Variants in SLC16A1 observed in about 807,000 individuals in gnomAD.
The protein encoded by SLC16A1 is solute carrier family 16 member 1, also known as monocarboxylate transporter 1.
In SLC16A1, 11 loss-of-function variants were observed where a neutral mutation model predicts 32.2. The ratio of observed to expected loss-of-function variants is 0.34; its 90% CI spans 0.21 to 0.56. SLC16A1 has a LOEUF of 0.56. SLC16A1 is among the 20% of genes least tolerant of loss of function. The probability of loss-of-function intolerance (pLI) is 0.87; values close to 1 mark genes in which losing one functional copy is unlikely to be tolerated. For synonymous variants in SLC16A1, 231 were observed against 226.8 expected, an observed-to-expected ratio of 1.02 and a Z score of -0.17; for missense variants, 435 against 615.0, an observed-to-expected ratio of 0.71 and a Z score of 3.10.
intron 2 of SLC16A1, among the ~76,000 whole-genome samples, chr1:112,926,026 T>C (rs1648927934): frequency 6.6e-6 from 1 of 152,210 alleles, no homozygotes; most frequent in African/African-American, 2.4e-5. Context: ...AACTACTTTA[T>C]AGGATTGTTG....
At chr1:112,922,674 C>G (rs1370714860) in intron 2 of SLC16A1, among the ~76,000 whole-genome samples, 1 of 152,072 alleles carries the variant, frequency 6.6e-6, no homozygotes, top group East Asian at 2.0e-4. Flanking sequence ...ACTCCGAAGG[C>G]TGAGGCAGGA....
chr1:112,940,039 ATTTT>A (rs55864843), intron 1 of SLC16A1, among the ~76,000 whole-genome samples: 2 of 108,616 alleles, frequency 1.8e-5, no homozygotes, highest in Non-Finnish European at 1.9e-5. Context: ...CTGATGGGTG[ATTTT>A]TTTTTTTTTT....
chr1:112,923,462 G>A, intron 2 of SLC16A1: 1 of 740,844 alleles, frequency 1.3e-6, no homozygotes, highest in Non-Finnish European at 2.5e-6. Context: ...CATGGAGATG[G>A]GGCGCCGTAG....
At chr1:112,936,250 G>A (rs1404236726) in intron 1 of SLC16A1, among the ~76,000 whole-genome samples, 1 of 151,994 alleles carries the variant, frequency 6.6e-6, no homozygotes, top group Non-Finnish European at 1.5e-5. Flanking sequence ...GCTCATGCCT[G>A]TAATCCAAAC....
rs189827120 is a variant in SLC16A1, at chr1:112,920,478, C to T, written c.361+1512G>A. ...AAAATTAGCTGGGTGTGGTAGCGGGCGCCTGTAATCCCGGCTACTTGGGAG... is the reference window on the plus strand; with the variant it reads ...AAAATTAGCTGGGTGTGGTAGCGGGTGCCTGTAATCCCGGCTACTTGGGAG... On this transcript the variant is annotated intron_variant, in intron 3 of 4. Transcript: ENST00000369626. 8.8e-3 allele frequency among the ~76,000 whole-genome samples: 1,340 copies of T among 152,146 alleles called. 10 individuals are homozygous for T. Among genetic ancestry groups the T allele is most frequent in the Non-Finnish European group, 0.011 (780 of 67,986 alleles).
In SLC16A1 at chr1:112,917,554, A is replaced by G; in HGVS notation, c.852T>C (p.Leu284=). The G allele has an allele frequency of 6.2e-7, 1 of 1,614,198 alleles. No homozygotes were observed. The highest frequency in any genetic ancestry group is 8.5e-7 in the Non-Finnish European group (1 of 1,180,034). The change falls in exon 4 of 5, where the codon CTT becomes CTC. Residue 284 remains leucine, a synonymous_variant. Transcript: ENST00000369626. This position sits in a 1 kb window ranked among gnomAD's most constrained non-coding sequence, Gnocchi z 4.1. ...AATGCTGACTCTTCCCATAACTACTAAGAAACACCAAAGGTGCAAAGAGTC... is the reference window on the plus strand; with the variant it reads ...AATGCTGACTCTTCCCATAACTACTGAGAAACACCAAAGGTGCAAAGAGTC... The part of the protein sequence containing the change: ...FFGLFAPLVF[L]SSYGKSQHYS...
At chr1:112,926,683 T>G (rs1648951462) in intron 2 of SLC16A1, among the ~76,000 whole-genome samples, 1 of 152,012 alleles carries the variant, frequency 6.6e-6, no homozygotes, top group Non-Finnish European at 1.5e-5. Context: ...AGACCAGCCT[T>G]GGCAACATTG....
Position 112,942,503 on chromosome 1 carries a change from G to A in SLC16A1, c.-44-13151C>T, listed in dbSNP as rs1451473963. Among the ~76,000 whole-genome samples the A allele has an allele frequency of 2.0e-5, 3 of 152,302 alleles. No individual in the cohort carries two copies. The East Asian group carries it at 5.8e-4, about 29-fold the overall frequency. On this transcript the variant is annotated intron_variant, in intron 1 of 4. Transcript: ENST00000369626. ...TATTATAAATATTTCTGGCTTGTTA[G>A]GTGAAATGGGTTTAAGTTTTCCTAG...
chr1:112,953,978 G>C (rs1357745163), intron 1 of SLC16A1, among the ~76,000 whole-genome samples: 1 of 152,172 alleles, frequency 6.6e-6, no homozygotes, highest in African/African-American at 2.4e-5. Context: ...CTGTTTTCCA[G>C]CTAGACTATA....
intron 1 of SLC16A1, among the ~76,000 whole-genome samples, chr1:112,936,169 C>T (rs1427270114): frequency 6.6e-6 from 1 of 152,060 alleles, no homozygotes; most frequent in Admixed American, 6.6e-5. Flanking sequence ...TGTGTTGATA[C>T]ACATCTCTGT....
intron 1 of SLC16A1, among the ~76,000 whole-genome samples, chr1:112,954,212 T>TA (rs201434363): frequency 0.024 from 3,727 of 152,282 alleles, 63 homozygotes; most frequent in Middle Eastern, 0.041. Context: ...GTGAGCATTA[T>TA]AAAGTGAATT....
Position 112,914,221 on chromosome 1 carries a change from C to T in SLC16A1, c.1229-56G>A, listed in dbSNP as rs1648425745. On this transcript the variant is annotated intron_variant, in intron 4 of 4. Coordinates refer to ENST00000369626, the MANE Select transcript of SLC16A1 (RefSeq NM_003051.4). ...TTCTAAGAGTAAACAGTTTTTTTTT[C>T]CCCCAAGCAAAGCTTAAGGATCCAT... is the stretch of plus-strand genomic sequence containing the variant. The T allele has an allele frequency of 4.5e-6, 7 of 1,553,814 alleles. No individual in the cohort carries two copies. In the East Asian group the frequency reaches 9.0e-5, roughly 20 times the overall value.
At chr1:112,955,230 A>G (rs1253430935) in intron 1 of SLC16A1, 1 of 152,070 alleles carries the variant, frequency 6.6e-6, no homozygotes, top group Admixed American at 6.6e-5. Context: ...GTCATGACAA[A>G]GTAATAAAAT....
At position 112,921,997 on chromosome 1, in the gene SLC16A1, G is replaced by A. The variant is rs200323862; in HGVS notation, c.354C>T (p.Val118=). The change falls in exon 3 of 5, where the codon GTC becomes GTT. Residue 118 remains valine (V), a synonymous_variant. Coordinates refer to ENST00000369626, the MANE Select transcript of SLC16A1 (RefSeq NM_003051.4). ...TVQQLYVCIG[V]IGGLGLAFNL... ...GAATCAGTAGTAACTCACCTCCAAT[G>A]ACTCCAATACAGACGTATAGTTGCT... 11 of 1,614,094 alleles carry A rather than the reference G, an allele frequency of 6.8e-6. No homozygotes were observed. The East Asian group carries it at 2.5e-4, about 36-fold the overall frequency.
chr1:112,948,408 A>G (rs1417348378), intron 1 of SLC16A1, among the ~76,000 whole-genome samples: 1 of 152,226 alleles, frequency 6.6e-6, no homozygotes, highest in Non-Finnish European at 1.5e-5. Flanking sequence ...ATTGCTAACG[A>G]TATAAATCTT....
chr1:112,914,269 T>C (rs566051489), intron 4 of SLC16A1, 104 bp from the exon 5 acceptor site: 3 of 1,235,110 alleles, frequency 2.4e-6, no homozygotes, highest in Non-Finnish European at 3.5e-6. Flanking sequence ...CAATCCAATC[T>C]TTAAAGAGTC....
At chr1:112,955,786 G>C (rs1396217896) in intron 1 of SLC16A1, 1 of 152,396 alleles carries the variant, frequency 6.6e-6, no homozygotes, top group Non-Finnish European at 1.5e-5. Flanking sequence ...CCAGGCCTGG[G>C]ACCGGCATCT....
chr1:112,924,957 A>G (rs1648886922), intron 2 of SLC16A1, among the ~76,000 whole-genome samples: 1 of 152,208 alleles, frequency 6.6e-6, no homozygotes, highest in South Asian at 2.1e-4. Flanking sequence ...GTTTCATGGT[A>G]GTACAATTGT....
chr1:112,923,944 C>G, intron 2 of SLC16A1: 1 of 1,517,922 alleles, frequency 6.6e-7, no homozygotes, highest in Non-Finnish European at 9.1e-7. Context: ...GCCTTCAACC[C>G]TCTGGCTGGG....
Sources: allele counts gnomAD v4.1 joint callset (sites outside exome capture counted in the v4.1 genomes callset), GRCh38; gene constraint gnomAD v4.1.1; non-coding constraint Gnocchi (gnomAD v3.1); transcripts MANE v1.5; gene names NCBI Gene and HGNC (gene_info 2026-07-23, HGNC 2026-07-21).